Variants in TMTC2 observed in about 807,000 individuals in gnomAD.
The protein encoded by TMTC2 is transmembrane O-mannosyltransferase targeting cadherins 2, also known as protein O-mannosyl-transferase TMTC2.
In TMTC2, 43 loss-of-function variants were observed where a neutral mutation model predicts 82.4. That is an observed-to-expected ratio of 0.52 (90% CI 0.41 to 0.67). The LOEUF (loss-of-function observed/expected upper bound fraction) is 0.67. Among genes scored for constraint, TMTC2 ranks in the 30% least tolerant of loss-of-function variants. TMTC2 has a pLI of 0.00. For missense variants in TMTC2, 919 were observed against 1,012.4 expected (o/e 0.91, Z 1.25); for synonymous variants, 408 against 381.9 (o/e 1.07, Z -0.80).
intron 3 of TMTC2, among the ~76,000 whole-genome samples, chr12:82,903,256 T>C (rs1052618892): frequency 2.0e-5 from 3 of 152,164 alleles, no homozygotes; most frequent in Non-Finnish European, 4.4e-5. Context: ...TACTGAGCAT[T>C]CCCTATCCTC....
At chr12:82,803,180 T>A (rs891309130) in intron 1 of TMTC2, among the ~76,000 whole-genome samples, 1 of 152,114 alleles carries the variant, frequency 6.6e-6, no homozygotes, top group Non-Finnish European at 1.5e-5. Context: ...TGTATCCAGA[T>A]GAATGCCTCA....
chr12:83,124,563 C>T (rs375146977), intron 11 of TMTC2, among the ~76,000 whole-genome samples: 15 of 138,578 alleles, frequency 1.1e-4, no homozygotes, highest in East Asian at 4.3e-4. Context: ...TTGTTGAAAT[C>T]TTTTTTTTTT....
At chr12:82,996,757 A>G (rs1199028787) in intron 8 of TMTC2, among the ~76,000 whole-genome samples, 1 of 152,110 alleles carries the variant, frequency 6.6e-6, no homozygotes, top group Non-Finnish European at 1.5e-5. Context: ...ATCACCAAGA[A>G]ATTTTTGTCT....
chr12:82,920,452 G>A (rs1395828744), intron 3 of TMTC2, among the ~76,000 whole-genome samples: 2 of 152,076 alleles, frequency 1.3e-5, no homozygotes, highest in African/African-American at 2.4e-5. Context: ...ATATTTAATT[G>A]TTCTTCTGCC....
intron 1 of TMTC2, among the ~76,000 whole-genome samples, chr12:82,802,094 C>T (rs1242721315): frequency 6.6e-6 from 1 of 152,000 alleles, no homozygotes; most frequent in Non-Finnish European, 1.5e-5. Flanking sequence ...CAGGGGGTGG[C>T]GTTCGTGGGG....
At chr12:82,853,164 G>A (rs112456547) in intron 1 of TMTC2, among the ~76,000 whole-genome samples, 6,142 of 151,596 alleles carry the variant, frequency 0.041, 425 homozygotes, top group African/African-American at 0.14. Flanking sequence ...GTGCAGTGGC[G>A]CGATCTCGGC....
intron 1 of TMTC2, among the ~76,000 whole-genome samples, chr12:82,855,139 G>A (rs1487708858): frequency 6.6e-6 from 1 of 152,182 alleles, no homozygotes; most frequent in Non-Finnish European, 1.5e-5. Flanking sequence ...GCTCAGAAAG[G>A]TTAATTGGGA....
chr12:83,071,150 TTTTTTTTTTTG>T (rs1592728302), intron 11 of TMTC2, among the ~76,000 whole-genome samples: 3 of 129,088 alleles, frequency 2.3e-5, no homozygotes, highest in African/African-American at 3.1e-5. Flanking sequence ...TCTGTAGTTG[TTTTTTTTTTTG>T]TTTTTTTTTT....
At chr12:83,096,743 A>G (rs1191745123) in intron 11 of TMTC2, among the ~76,000 whole-genome samples, 1 of 152,112 alleles carries the variant, frequency 6.6e-6, no homozygotes, top group Non-Finnish European at 1.5e-5. Flanking sequence ...ATTCCAGATG[A>G]GATTTGGGTG....
At chr12:82,694,640 AC>A (rs1565711166) in intron 1 of TMTC2, among the ~76,000 whole-genome samples, 1 of 152,218 alleles carries the variant, frequency 6.6e-6, no homozygotes, top group African/African-American at 2.4e-5. Flanking sequence ...CTGAAATGAA[AC>A]ACACATTAGT....
intron 1 of TMTC2, among the ~76,000 whole-genome samples, chr12:82,813,720 A>T (rs1868529073): frequency 6.6e-6 from 1 of 151,962 alleles, no homozygotes; most frequent in Non-Finnish European, 1.5e-5. Flanking sequence ...TATCTGTTTT[A>T]TATATAGCAA....
intron 1 of TMTC2, among the ~76,000 whole-genome samples, chr12:82,813,178 C>T (rs888958827): frequency 1.3e-5 from 2 of 152,098 alleles, no homozygotes; most frequent in Non-Finnish European, 1.5e-5. Flanking sequence ...AATATTCTAG[C>T]ATCTCTGGCA....
chr12:82,951,744 G>GTA (rs1877358280), intron 4 of TMTC2, among the ~76,000 whole-genome samples: 1 of 152,162 alleles, frequency 6.6e-6, no homozygotes, highest in Non-Finnish European at 1.5e-5. Context: ...GCCTTTCACA[G>GTA]CAAGTGTGTT....
At chr12:82,844,042 T>C (rs1287331572) in intron 1 of TMTC2, among the ~76,000 whole-genome samples, 2 of 152,208 alleles carry the variant, frequency 1.3e-5, no homozygotes, top group Non-Finnish European at 2.9e-5. Flanking sequence ...TAATGCATCA[T>C]GAATGTCTTT....
At chr12:83,028,008 C>CTGA (rs1315480356) in intron 8 of TMTC2, among the ~76,000 whole-genome samples, 4 of 152,094 alleles carry the variant, frequency 2.6e-5, no homozygotes, top group African/African-American at 9.7e-5. Context: ...CAGTGCTTTA[C>CTGA]TGATGATAGC....
intron 8 of TMTC2, among the ~76,000 whole-genome samples, chr12:83,024,704 CA>C (rs1206335683): frequency 1.2e-4 from 19 of 152,196 alleles, no homozygotes; most frequent in African/African-American, 3.1e-4. Flanking sequence ...AGGTAATCAC[CA>C]ATTAAGATAC....
intron 11 of TMTC2, among the ~76,000 whole-genome samples, chr12:83,095,970 C>T (rs545452513): frequency 6.6e-6 from 1 of 152,168 alleles, no homozygotes; most frequent in Non-Finnish European, 1.5e-5. Context: ...AAAAATTTCA[C>T]ATTGTGAGCA....
intron 3 of TMTC2, among the ~76,000 whole-genome samples, chr12:82,912,981 T>A (rs963104918): frequency 6.6e-6 from 1 of 151,546 alleles, no homozygotes; most frequent in Non-Finnish European, 1.5e-5. Context: ...TTCATATTCA[T>A]GTAAATATTT....
At chr12:82,704,087 G>A (rs1026939963) in intron 1 of TMTC2, among the ~76,000 whole-genome samples, 1 of 152,092 alleles carries the variant, frequency 6.6e-6, no homozygotes, top group African/African-American at 2.4e-5. Flanking sequence ...TATGGGAGGT[G>A]GGGAGGTTTA....
Sources: allele counts gnomAD v4.1 joint callset (sites outside exome capture counted in the v4.1 genomes callset), GRCh38; gene constraint gnomAD v4.1.1; transcripts MANE v1.5; gene names NCBI Gene and HGNC (gene_info 2026-07-23, HGNC 2026-07-21).